DYNC1I1: variants seen among roughly 807,000 people sequenced by gnomAD.
DYNC1I1 encodes cytoplasmic dynein 1 intermediate chain 1.
In DYNC1I1, 43 loss-of-function variants were observed where a neutral mutation model predicts 86.6. The ratio of observed to expected loss-of-function variants is 0.50; its 90% CI spans 0.39 to 0.64. DYNC1I1 has a LOEUF of 0.64. Among genes scored for constraint, DYNC1I1 ranks in the 30% least tolerant of loss-of-function variants. DYNC1I1 has a pLI of 0.00. For missense variants in DYNC1I1, 604 were observed against 788.8 expected (o/e 0.77, Z 2.81); for synonymous variants, 262 against 283.7 (o/e 0.92, Z 0.77).
intron 16 of DYNC1I1, among the ~76,000 whole-genome samples, chr7:96,087,434 G>A (rs970681492): frequency 2.0e-5 from 3 of 152,204 alleles, no homozygotes; most frequent in Non-Finnish European, 4.4e-5. Context: ...AGCTTAGCAA[G>A]ATCCAGGTAT....
intron 5 of DYNC1I1, among the ~76,000 whole-genome samples, chr7:95,834,840 T>C (rs1470123642): frequency 1.1e-3 from 163 of 149,506 alleles, no homozygotes; most frequent in Admixed American, 1.7e-3. Flanking sequence ...TTTTTTATTG[T>C]GTCTATTTGA....
Position 95,985,155 on chromosome 7 carries a change from G to T in DYNC1I1, c.743+178G>T, listed in dbSNP as rs2073984. Among the ~76,000 whole-genome samples the T allele has an allele frequency of 0.41, 62,496 of 151,990 alleles. 13,160 individuals carry two copies. The highest frequency in any genetic ancestry group is 0.66 in the East Asian group (3,418 of 5,170). Reference sequence around the variant, plus strand: ...TTGGTGATAACTTCTGGCTTAGAGCGTCCTTGTAATTATCATGTGCTTCTG... The same window carrying T: ...TTGGTGATAACTTCTGGCTTAGAGCTTCCTTGTAATTATCATGTGCTTCTG... On this transcript the variant is annotated intron_variant, in intron 8 of 16. Transcript: ENST00000447467.
intron 15 of DYNC1I1, 52 bp downstream of exon 15, chr7:96,076,249 C>G: frequency 2.5e-6 from 4 of 1,599,320 alleles, no homozygotes; most frequent in Middle Eastern, 1.7e-4. Flanking sequence ...GGGGCGCAGT[C>G]GGCCACTCGC....
chr7:95,903,266 T>A (rs1489137650), intron 6 of DYNC1I1, among the ~76,000 whole-genome samples: 1 of 152,246 alleles, frequency 6.6e-6, no homozygotes, highest in East Asian at 1.9e-4. Flanking sequence ...TTACATCTTT[T>A]GCACACTGAA....
chr7:96,000,136 CA>C (rs1793974081), intron 10 of DYNC1I1, among the ~76,000 whole-genome samples: 1 of 151,748 alleles, frequency 6.6e-6, no homozygotes, highest in African/African-American at 2.4e-5. Context: ...TATTACAGGT[CA>C]AAAAAGAAAA....
intron 14 of DYNC1I1, among the ~76,000 whole-genome samples, chr7:96,044,201 C>T (rs1414814494): frequency 6.6e-6 from 1 of 152,158 alleles, no homozygotes; most frequent in Non-Finnish European, 1.5e-5. Flanking sequence ...GTCTCTCTAT[C>T]TCTGAATATG....
intron 16 of DYNC1I1, among the ~76,000 whole-genome samples, chr7:96,085,914 A>G (rs1392106061): frequency 1.3e-5 from 2 of 152,204 alleles, no homozygotes; most frequent in Non-Finnish European, 2.9e-5. Context: ...TATACCTGAA[A>G]ACAGAGCTAT....
At chr7:95,869,082 T>C (rs1206572228) in intron 5 of DYNC1I1, among the ~76,000 whole-genome samples, 1 of 152,216 alleles carries the variant, frequency 6.6e-6, no homozygotes, top group African/African-American at 2.4e-5. Flanking sequence ...TTGTATATAC[T>C]TGGGCACATC....
intron 14 of DYNC1I1, among the ~76,000 whole-genome samples, chr7:96,040,238 TTAAAATAAAA>T (rs556023241): frequency 3.3e-5 from 5 of 151,366 alleles, no homozygotes; most frequent in Non-Finnish European, 2.9e-5. Flanking sequence ...CATCTCAAAA[TTAAAATAAAA>T]TAAAATAAAA....
At chr7:95,835,428 C>G (rs1469659994) in intron 5 of DYNC1I1, among the ~76,000 whole-genome samples, 1 of 150,374 alleles carries the variant, frequency 6.7e-6, no homozygotes, top group Non-Finnish European at 1.5e-5. Flanking sequence ...TGGTGTGGTG[C>G]TGAAAGAAAT....
At chr7:95,972,101 G>A (rs2115593161) in intron 6 of DYNC1I1, among the ~76,000 whole-genome samples, 1 of 152,282 alleles carries the variant, frequency 6.6e-6, no homozygotes, top group Admixed American at 6.5e-5. Flanking sequence ...TTCACAGAGG[G>A]TCGCCTTGTG....
At position 96,108,491 on chromosome 7, in the gene DYNC1I1, A is replaced by G. The variant is rs569917905; in HGVS notation, c.1543-1488A>G. Among the ~76,000 whole-genome samples the G allele has an allele frequency of 5.9e-5, 9 of 152,178 alleles. No individual in the cohort carries two copies. In the South Asian group the frequency reaches 1.9e-3, roughly 32 times the overall value. On this transcript the variant is annotated intron_variant, in intron 16 of 16. Coordinates refer to the DYNC1I1 transcript ENST00000537881. Reference sequence around the variant, plus strand: ...TCCCTTGCCTTCCATTTTCTCTAAGATTTTTGCAGAATTTTCATTATTTAT... The same window carrying G: ...TCCCTTGCCTTCCATTTTCTCTAAGGTTTTTGCAGAATTTTCATTATTTAT...
At chr7:95,922,379 G>A (rs1791633795) in intron 6 of DYNC1I1, among the ~76,000 whole-genome samples, 1 of 152,046 alleles carries the variant, frequency 6.6e-6, no homozygotes, top group Non-Finnish European at 1.5e-5. Flanking sequence ...AGCTTGCTTT[G>A]GCATGAGGGA....
chr7:95,979,737 G>A (rs1348255132), intron 7 of DYNC1I1, among the ~76,000 whole-genome samples: 1 of 152,196 alleles, frequency 6.6e-6, no homozygotes, highest in Non-Finnish European at 1.5e-5. Context: ...GTTCTAGGGT[G>A]TGACTAAGGT....
chr7:95,882,145 A>G (rs1200964023), intron 6 of DYNC1I1, among the ~76,000 whole-genome samples: 1 of 152,136 alleles, frequency 6.6e-6, no homozygotes, highest in African/African-American at 2.4e-5. Flanking sequence ...TAGGATCACA[A>G]ATTTCACATC....
downstream of DYNC1I1, among the ~76,000 whole-genome samples, chr7:96,099,454 C>A (rs1791093988): frequency 6.6e-6 from 1 of 152,102 alleles, no homozygotes; most frequent in African/African-American, 2.4e-5. Context: ...TTAGTTAATT[C>A]AGACTGCTAT....
At chr7:96,107,432 G>A (rs1791233392) in intron 16 of DYNC1I1, among the ~76,000 whole-genome samples, 1 of 151,580 alleles carries the variant, frequency 6.6e-6, no homozygotes. Flanking sequence ...TCACCCTCTG[G>A]TGTCCTTTCA....
rs578246746 is a variant in DYNC1I1 at position 96,095,496 on chromosome 7, A to G, written c.1777-1987A>G. ...AACCAAACTCAGCTCTTTATGAGCAAGGTACTGTGTATTATTGAGACCTAT... is the reference window on the plus strand; with the variant it reads ...AACCAAACTCAGCTCTTTATGAGCAGGGTACTGTGTATTATTGAGACCTAT... On this transcript the variant is annotated intron_variant, in intron 16 of 16. Coordinates refer to ENST00000447467, the MANE Select transcript of DYNC1I1 (RefSeq NM_001135556.2). Among the ~76,000 whole-genome samples the G allele has an allele frequency of 5.8e-4, 88 of 152,298 alleles. 1 individual carries two copies. Among genetic ancestry groups the G allele is most frequent in the Non-Finnish European group, 1.0e-4 (7 of 68,002 alleles).
chr7:95,887,222 G>T (rs1790616835), intron 6 of DYNC1I1, among the ~76,000 whole-genome samples: 1 of 152,170 alleles, frequency 6.6e-6, no homozygotes, highest in South Asian at 2.1e-4. Context: ...ATTCTGATTT[G>T]ATGATCTGGG....
Sources: gnomAD v4.1 joint callset for allele counts (sites outside exome capture counted in the v4.1 genomes callset) on GRCh38, gnomAD v4.1.1 for gene constraint, MANE v1.5 for transcripts, NCBI Gene and HGNC (gene_info 2026-07-23, HGNC 2026-07-21) for gene names.